The following DST variants were observed in gnomAD, a reference collection of about 807,000 sequenced individuals.
DST encodes dystonin.
DST carries 253 observed loss-of-function variants against 875.2 expected under a neutral mutation model. That is an observed-to-expected ratio of 0.29 (90% confidence interval 0.26 to 0.32). The LOEUF (loss-of-function observed/expected upper bound fraction) is 0.32, where lower values mean the gene tolerates loss of function less well. DST is among the 10% of genes least tolerant of loss of function. The pLI is 1.00. For missense variants in DST, 8,287 were observed against 9,111.6 expected (o/e 0.91, Z 3.68); for synonymous variants, 3,124 against 3,197.1 (o/e 0.98, Z 0.77).
Position 56,951,724 on chromosome 6 carries a change from T to C in DST, c.216+2061A>G, listed in dbSNP as rs73463761. Among the ~76,000 whole-genome samples, 314 of 152,346 alleles carry C rather than the reference T, an allele frequency of 2.1e-3. 2 individuals carry two copies. The highest frequency in any genetic ancestry group is 7.5e-3 in the African/African-American group (310 of 41,588). ...TGCTGATGGGTAGCCCATCAACAAA[T>C]TAAACTAATATTGCATTTAAATTTT... On this transcript the variant is annotated intron_variant, in intron 2 of 103. Coordinates refer to ENST00000680361, the MANE Select transcript of DST (RefSeq NM_001374736.1).
intron 4 of DST, chr6:56,842,939 T>C: frequency 2.0e-6 from 2 of 1,008,750 alleles, no homozygotes; most frequent in South Asian, 4.7e-5. Context: ...TTCCCAAGAC[T>C]GGTCCAGACA....
chr6:56,527,429 T>A, intron 68 of DST, 64 bp downstream of exon 68: 2 of 1,535,596 alleles, frequency 1.3e-6, no homozygotes, highest in Non-Finnish European at 1.8e-6. Flanking sequence ...TAATTTTATT[T>A]TTGTGTGAAT....
chr6:56,680,737 C>T (rs2099153140), intron 9 of DST, among the ~76,000 whole-genome samples: 1 of 152,188 alleles, frequency 6.6e-6, no homozygotes, highest in African/African-American at 2.4e-5. Context: ...CCACTCTCCT[C>T]ACTCTCCCTG....
chr6:56,550,593 A>G (rs1053050971), intron 61 of DST, among the ~76,000 whole-genome samples: 1 of 152,220 alleles, frequency 6.6e-6, no homozygotes, highest in African/African-American at 2.4e-5. Context: ...CAAAGGGGAG[A>G]CACCCGCAAA....
At position 56,529,559 on chromosome 6, in the gene DST, T is replaced by C; in HGVS notation, c.17484A>G (p.Glu5828=). ...GCCAGTTCATCAGTTCAACTTCATCTTCCCCAAAAATCTTAGCATTACATA... is the reference window on the plus strand; with the variant it reads ...GCCAGTTCATCAGTTCAACTTCATCCTCCCCAAAAATCTTAGCATTACATA... The part of the protein sequence containing the change: ...QALCNAKIFG[E]DEVELMNWLN... The change falls in exon 66 of 104, where the codon GAA becomes GAG. Residue 5828 remains glutamate, a synonymous_variant. Coordinates refer to ENST00000680361, the MANE Select transcript of DST (RefSeq NM_001374736.1). 1 of 1,613,846 alleles carries C rather than the reference T, an allele frequency of 6.2e-7. No individual in the cohort carries two copies. Among genetic ancestry groups the C allele is most frequent in the South Asian group, 1.1e-5 (1 of 91,058 alleles).
At chr6:56,614,228 G>T in intron 37 of DST, 128 bp downstream of exon 37, 1 of 756,138 alleles carries the variant, frequency 1.3e-6, no homozygotes, top group Non-Finnish European at 1.9e-6. Context: ...TTTCTGATTT[G>T]CATTATATTG....
rs953080864 is a variant in DST, at chr6:56,628,249, T to C, written c.4476-88A>G. 4.7e-5 allele frequency: 55 copies of C among 1,167,598 alleles called. 1 individual carries two copies. In the Middle Eastern group the frequency reaches 1.1e-3, roughly 24 times the overall value. The allele number at this position is 1,167,598 out of a possible 1,614,324, so 72.3% of individuals were successfully genotyped here. ...GTAGAGATGGGAGAGACAAAATAAT[T>C]GGACTGCAATGAACTAAGCACAAGA... On this transcript the variant is annotated intron_variant, in intron 32 of 103. Coordinates refer to ENST00000680361, the MANE Select transcript of DST (RefSeq NM_001374736.1).
At chr6:56,556,959 C>T (rs1289986398) in intron 59 of DST, among the ~76,000 whole-genome samples, 1 of 152,130 alleles carries the variant, frequency 6.6e-6, no homozygotes, top group Non-Finnish European at 1.5e-5. Context: ...GGAGTAATTT[C>T]TAAACAGTAA....
intron 4 of DST, among the ~76,000 whole-genome samples, chr6:56,829,344 A>C (rs557368103): frequency 6.6e-6 from 1 of 152,368 alleles, no homozygotes; most frequent in South Asian, 2.1e-4. Flanking sequence ...GAGTAAAAAC[A>C]CTTTTAAAAG....
intron 59 of DST, 52 bp downstream of exon 59, chr6:56,557,266 CT>C: frequency 5.9e-6 from 9 of 1,519,460 alleles, no homozygotes; most frequent in Non-Finnish European, 8.1e-6. Context: ...AAACATTGGT[CT>C]CAGTAAGTCA....
At chr6:56,557,173 T>C in intron 59 of DST, 146 bp downstream of exon 59, 1 of 721,802 alleles carries the variant, frequency 1.4e-6, no homozygotes, top group Non-Finnish European at 2.3e-6. Context: ...GACAGTATCT[T>C]ATGGGCATCT....
At position 56,489,542 on chromosome 6, in the gene DST, A is replaced by C. The variant is rs576793883; in HGVS notation, c.20825T>G (p.Leu6942Arg). Residue 6942 changes from leucine to arginine, a missense_variant, in exon 86 of 104, where the codon CTG becomes CGG. Around this residue, in one of 10 missense-constraint regions of DST, gnomAD observed 1,292 missense variants for 1,552.7 expected, o/e 0.83. Coordinates refer to ENST00000680361, the MANE Select transcript of DST (RefSeq NM_001374736.1). ...EESEKSLDSE[L>R]EIANDPDKIK... Reference sequence around the variant, plus strand: ...TTTGTCTGGATCATTTGCGATTTCCAGTTCAGAATCCAAAGACTTTTCTGA... The same window carrying C: ...TTTGTCTGGATCATTTGCGATTTCCCGTTCAGAATCCAAAGACTTTTCTGA... The C allele has an allele frequency of 2.5e-6, 4 of 1,613,230 alleles. No individual in the cohort carries two copies. In the East Asian group the frequency reaches 8.9e-5, roughly 36 times the overall value.
chr6:56,843,100 G>A, intron 4 of DST: 1 of 1,571,454 alleles, frequency 6.4e-7, no homozygotes, highest in Non-Finnish European at 8.7e-7. Flanking sequence ...AGATACTCCT[G>A]CTCCTCCACG....
At chr6:56,669,614 A>AAAGT (rs1223085862) in intron 10 of DST, among the ~76,000 whole-genome samples, 1 of 151,514 alleles carries the variant, frequency 6.6e-6, no homozygotes, top group Non-Finnish European at 1.5e-5. Context: ...AAAAAAAGAA[A>AAAGT]AAGTAGTATA....
intron 4 of DST, among the ~76,000 whole-genome samples, chr6:56,825,741 A>G (rs547540399): frequency 6.6e-6 from 1 of 152,292 alleles, no homozygotes; most frequent in South Asian, 2.1e-4. Context: ...CTTGATCCCT[A>G]CTGTCAGATA....
chr6:56,557,291 G>T, intron 59 of DST, 28 bp downstream of exon 59: 1 of 1,591,584 alleles, frequency 6.3e-7, no homozygotes, highest in Non-Finnish European at 8.5e-7. Context: ...TGCTATGCAC[G>T]AGAGACAGGT....
chr6:56,842,803 G>A (rs2099801898), intron 4 of DST, among the ~76,000 whole-genome samples: 1 of 152,160 alleles, frequency 6.6e-6, no homozygotes, highest in Admixed American at 6.5e-5. Context: ...AACGCAATGT[G>A]CTTCTTGGAA....
At chr6:56,587,974 C>T (rs1363731215) in intron 49 of DST, among the ~76,000 whole-genome samples, 2 of 151,994 alleles carry the variant, frequency 1.3e-5, no homozygotes, top group Admixed American at 1.3e-4. Context: ...AATGTAAAGA[C>T]CATCGAGACT....
rs1378164039 is a variant in DST, at chr6:56,511,651, T to A, written c.18577-251A>T. ...GATGCTGGTTCAGTGAAATAATGAA[T>A]CCCAGTTTATTATGCATCTCATACC... On this transcript the variant is annotated intron_variant, in intron 72 of 103. Coordinates refer to ENST00000680361, the MANE Select transcript of DST (RefSeq NM_001374736.1). 2.6e-5 allele frequency among the ~76,000 whole-genome samples: 4 copies of A among 152,052 alleles called. No individual in the cohort carries two copies. In the East Asian group the frequency reaches 5.8e-4, roughly 22 times the overall value.
Sources: gnomAD v4.1 joint callset for allele counts (sites outside exome capture counted in the v4.1 genomes callset) on GRCh38, gnomAD v4.1.1 for gene constraint, gnomAD v4.1.1 regional missense constraint, MANE v1.5 for transcripts, NCBI Gene and HGNC (gene_info 2026-07-23, HGNC 2026-07-21) for gene names.